HELB: variants seen among roughly 807,000 people sequenced by gnomAD.
The protein encoded by HELB is DNA helicase B.
Under a neutral mutation model 101.7 loss-of-function variants are expected in HELB, and 96 were observed. That is an observed-to-expected ratio of 0.94 (90% confidence interval 0.80 to 1.12). HELB has a LOEUF of 1.12. HELB is among the 50% of genes most tolerant of loss of function. The pLI is 0.00. For missense variants in HELB, 1,210 were observed against 1,291.9 expected (o/e 0.94, Z 0.97); for synonymous variants, 437 against 459.7 (o/e 0.95, Z 0.63).
chr12:66,317,405 T>G (rs1162200824), intron 6 of HELB, among the ~76,000 whole-genome samples: 2 of 152,196 alleles, frequency 1.3e-5, no homozygotes, highest in East Asian at 3.8e-4. Context: ...GTAGACAGTG[T>G]GGGTTCATAT....
chr12:66,330,364 GA>G (rs1218739434), intron 11 of HELB, among the ~76,000 whole-genome samples: 1 of 151,454 alleles, frequency 6.6e-6, no homozygotes, highest in African/African-American at 2.4e-5. Flanking sequence ...ACAAGTAGGA[GA>G]AAAAAAAGTC....
At chr12:66,316,600 T>TAATAATAATAATAAG (rs869235542) in intron 6 of HELB, among the ~76,000 whole-genome samples, 3 of 141,496 alleles carry the variant, frequency 2.1e-5, no homozygotes, top group African/African-American at 7.5e-5. Context: ...ATAATAATAA[T>TAATAATAATAATAAG]AAGCCAGGTG....
chr12:66,316,567 A>AAATAATAATAATAAT lies in HELB; in HGVS notation c.2000+1205_2000+1219dup, dbSNP rs59495617. Among the ~76,000 whole-genome samples the AAATAATAATAATAAT allele has an allele frequency of 5.0e-3, 721 of 145,074 alleles. 4 individuals are homozygous for AAATAATAATAATAAT. The highest frequency in any genetic ancestry group is 0.017 in the African/African-American group (657 of 38,828). On this transcript the variant is annotated intron_variant, in intron 6 of 12. Coordinates refer to ENST00000247815, the MANE Select transcript of HELB (RefSeq NM_001370285.1). Reference sequence around the variant, plus strand: ...AACACTAATGATAGCTGATAAGCTAAAATAATAATAATAATAATAATAATA... The same window carrying AAATAATAATAATAAT: ...AACACTAATGATAGCTGATAAGCTAAAATAATAATAATAATAATAATAATAATAATAATAATAATA...
In HELB at chr12:66,309,867, T is replaced by C; in HGVS notation, c.939T>C (p.Val313=). ...GTAGAGAAGATGGGCACACATATGTTGAAGTGAATGACTTAACTTTGACAT... is the reference window on the plus strand; with the variant it reads ...GTAGAGAAGATGGGCACACATATGTCGAAGTGAATGACTTAACTTTGACAT... ...QICREDGHTY[V]EVNDLTLTLS... Residue 313 remains valine (V), a synonymous_variant, in exon 4 of 13, where the codon GTT becomes GTC. Transcript: ENST00000247815. The C allele has an allele frequency of 3.7e-6, 6 of 1,614,140 alleles. No homozygotes were observed. The South Asian group carries it at 6.6e-5, about 18-fold the overall frequency.
In HELB at chr12:66,325,017, C is replaced by A. The variant is rs1388721923; in HGVS notation, c.2561C>A (p.Ser854Tyr). 6.2e-7 allele frequency: 1 copy of A among 1,612,264 alleles called. No homozygotes were observed. The highest frequency in any genetic ancestry group is 1.3e-5 in the African/African-American group (1 of 74,982). Residue 854 changes from serine to tyrosine, a missense_variant, in exon 11 of 13, where the codon TCT becomes TAT. Around this residue, in one of 2 missense-constraint regions of HELB, gnomAD observed 740 missense variants for 728.8 expected, o/e 1.02. Coordinates refer to ENST00000247815, the MANE Select transcript of HELB (RefSeq NM_001370285.1). Reference protein sequence around the residue: ...VTDVTFGKRRSLTINNMAGLE... With the variant: ...VTDVTFGKRRYLTINNMAGLE... Reference sequence around the variant, plus strand: ...GATGTAACTTTTGGAAAGAGAAGATCTTTGACCATTAATAATATGGCTGGC... The same window carrying A: ...GATGTAACTTTTGGAAAGAGAAGATATTTGACCATTAATAATATGGCTGGC...
intron 11 of HELB, among the ~76,000 whole-genome samples, chr12:66,328,580 A>G (rs1320031872): frequency 6.6e-6 from 1 of 152,192 alleles, no homozygotes; most frequent in African/African-American, 2.4e-5. Context: ...AAAAGTTACT[A>G]GATACAGTCA....
At chr12:66,306,654 G>A (rs1592630151) in intron 3 of HELB, 140 bp downstream of exon 3, 2 of 451,176 alleles carry the variant, frequency 4.4e-6, no homozygotes, top group East Asian at 3.5e-5. Context: ...TGTTGCAACT[G>A]TACATAAACT....
Position 66,308,530 on chromosome 12 carries a change from C to T in HELB, c.778-1176C>T, listed in dbSNP as rs188569859. 1.7e-3 allele frequency among the ~76,000 whole-genome samples: 259 copies of T among 152,280 alleles called. 2 individuals carry two copies. Among genetic ancestry groups the T allele is most frequent in the African/African-American group, 5.8e-3 (242 of 41,562 alleles). On this transcript the variant is annotated intron_variant, in intron 3 of 12. Transcript: ENST00000247815. ...GGGCTGCCAGAACAAGTACTGCTGA[C>T]TGGTTGGCTTAAACAACAGAAATTT...
intron 4 of HELB, 72 bp downstream of exon 4, chr12:66,310,680 C>A: frequency 7.0e-7 from 1 of 1,424,812 alleles, no homozygotes; most frequent in Non-Finnish European, 9.6e-7. Context: ...GCCTGTAATC[C>A]CAGAACTTTT....
intron 4 of HELB, 89 bp from the exon 5 acceptor site, chr12:66,313,897 A>G (rs2053570633): frequency 8.6e-7 from 1 of 1,160,630 alleles, no homozygotes; most frequent in Non-Finnish European, 1.3e-6. Flanking sequence ...CTGCCAATTT[A>G]CGAGTTTTGC....
intron 2 of HELB, among the ~76,000 whole-genome samples, 166 bp downstream of exon 2, chr12:66,305,316 T>C (rs1217879548): frequency 1.3e-5 from 2 of 152,256 alleles, no homozygotes; most frequent in African/African-American, 4.8e-5. Context: ...GTTTCTCATC[T>C]GTAGCATGAA....
At chr12:66,324,702 T>A (rs1447003780) in intron 10 of HELB, among the ~76,000 whole-genome samples, 2 of 152,144 alleles carry the variant, frequency 1.3e-5, no homozygotes, top group African/African-American at 4.8e-5. Flanking sequence ...ATACAAGAAA[T>A]GAATGTATAG....
chr12:66,310,401 T>C lies in HELB; in HGVS notation c.1473T>C (p.His491=), dbSNP rs372800984. 3.1e-6 allele frequency: 5 copies of C among 1,614,120 alleles called. No individual in the cohort carries two copies. Among genetic ancestry groups the C allele is most frequent in the Non-Finnish European group, 4.2e-6 (5 of 1,180,018 alleles). Residue 491 remains histidine, a synonymous_variant, in exon 4 of 13, where the codon CAT becomes CAC. Coordinates refer to ENST00000247815, the MANE Select transcript of HELB (RefSeq NM_001370285.1). ...CAATCGTTAGCCGTCTTTTTAAGCA[T>C]ATAGAGCAGTTGGAAGAAAGAGAAG... ...KTTIVSRLFK[H]IEQLEEREVK... is the part of the protein sequence containing the mutation.
intron 3 of HELB, 152 bp from the exon 4 acceptor site, chr12:66,309,554 G>A (rs1592632192): frequency 2.1e-6 from 1 of 466,198 alleles, no homozygotes; most frequent in East Asian, 3.2e-5. Context: ...TAATTACGGT[G>A]CAGCCAGTTA....
chr12:66,302,633 A>G lies in HELB; in HGVS notation c.30A>G (p.Gln10=), dbSNP rs1446768878. 2.5e-6 allele frequency: 4 copies of G among 1,613,930 alleles called. No homozygotes were observed. The African/African-American group carries it at 5.3e-5, about 22-fold the overall frequency. The part of the protein sequence containing the change: MARSSPYLR[Q]LQGPLLPPRD... ...CCAGGTCGAGTCCGTACCTGCGCCA[A>G]CTTCAGGGACCTCTGCTCCCACCCA... The change falls in exon 1 of 13, where the codon CAA becomes CAG. Residue 10 remains glutamine (Q), a synonymous_variant. Transcript: ENST00000247815.
At chr12:66,324,868 T>C in intron 10 of HELB, 115 bp from the exon 11 acceptor site, 1 of 1,282,072 alleles carries the variant, frequency 7.8e-7, no homozygotes, top group Non-Finnish European at 1.1e-6. Context: ...AAATTCTTAA[T>C]GGTAATTGTA....
chr12:66,302,862 T>G (rs1008848321), intron 1 of HELB, 72 bp downstream of exon 1: 1 of 1,334,320 alleles, frequency 7.5e-7, no homozygotes, highest in Non-Finnish European at 1.0e-6. Context: ...GGCTTTGCCC[T>G]GAGCAAGGCA....
intron 4 of HELB, 42 bp from the exon 5 acceptor site, chr12:66,313,944 A>G (rs758244552): frequency 6.3e-7 from 1 of 1,590,996 alleles, no homozygotes; most frequent in South Asian, 1.1e-5. Context: ...GGTTTTGTAG[A>G]TTTTATAACC....
rs1166906595 is a variant in HELB at position 66,331,270 on chromosome 12, G to A, written c.2787G>A (p.Glu929=). 1 of 1,614,252 alleles carries A rather than the reference G, an allele frequency of 6.2e-7. No individual in the cohort carries two copies. The highest frequency in any genetic ancestry group is 8.5e-7 in the Non-Finnish European group (1 of 1,180,044). Residue 929 remains glutamate, a synonymous_variant, in exon 12 of 13, where the codon GAG becomes GAA. Coordinates refer to ENST00000247815, the MANE Select transcript of HELB (RefSeq NM_001370285.1). ...GRCRVYVIAE[E]SQLRNAIMKN... ...GCCGAGTGTATGTGATTGCAGAGGA[G>A]TCTCAGCTCCGGAATGCCATTATGA...
Sources: allele counts gnomAD v4.1 joint callset (sites outside exome capture counted in the v4.1 genomes callset), GRCh38; gene constraint gnomAD v4.1.1; regional missense constraint gnomAD v4.1.1; transcripts MANE v1.5; gene names NCBI Gene and HGNC (gene_info 2026-07-23, HGNC 2026-07-21).